GBP7: variants seen among roughly 807,000 people sequenced by gnomAD.
GBP7 encodes the protein guanylate binding protein 7.
GBP7 carries 43 observed loss-of-function variants against 61.3 expected under a neutral mutation model. The observed-to-expected ratio is 0.70, with a 90% CI of 0.55 to 0.91. The LOEUF (loss-of-function observed/expected upper bound fraction) is 0.91, where lower values mean the gene tolerates loss of function less well. GBP7 is among the 40% of genes least tolerant of loss of function. The pLI is 0.00. For missense variants in GBP7, 717 were observed against 740.5 expected (o/e 0.97, Z 0.37); for synonymous variants, 267 against 271.0 (o/e 0.99, Z 0.14).
chr1:89,172,216 A>C (rs973192172), intron 1 of GBP7, among the ~76,000 whole-genome samples: 1 of 152,174 alleles, frequency 6.6e-6, no homozygotes, highest in African/African-American at 2.4e-5. Flanking sequence ...CCTAATGTCG[A>C]TATTTTACTT....
chr1:89,169,617 A>G (rs1557466449), intron 2 of GBP7, among the ~76,000 whole-genome samples: 1 of 152,192 alleles, frequency 6.6e-6, no homozygotes, highest in Non-Finnish European at 1.5e-5. Flanking sequence ...CTGGCCTGGA[A>G]TTGCTAAAAT....
rs769635016 is a variant in GBP7, at chr1:89,150,457, A to G, written c.744T>C (p.His248=). The G allele has an allele frequency of 9.3e-6, 15 of 1,613,976 alleles. No homozygotes were observed. Among genetic ancestry groups the G allele is most frequent in the Non-Finnish European group, 1.3e-5 (15 of 1,180,000 alleles). ...RPINDKKLLL[H]VEEVREDQLD... ...GTTGGTCTTCTCGTACTTCTTCAAC[A>G]TGGAGTAAGAGTTTTTTGTCATTTA... is the stretch of plus-strand genomic sequence containing the variant. The change falls in exon 6 of 11, where the codon CAT becomes CAC. Residue 248 remains histidine, a synonymous_variant. Coordinates refer to ENST00000294671, the MANE Select transcript of GBP7 (RefSeq NM_207398.3).
intron 3 of GBP7, among the ~76,000 whole-genome samples, chr1:89,163,009 A>G (rs1360485656): frequency 6.6e-6 from 1 of 152,162 alleles, no homozygotes; most frequent in Non-Finnish European, 1.5e-5. Context: ...TTCTGCATCT[A>G]TTGAGATAAT....
At chr1:89,148,759 C>G (rs905590981) in intron 7 of GBP7, among the ~76,000 whole-genome samples, 1 of 152,158 alleles carries the variant, frequency 6.6e-6, no homozygotes, top group African/African-American at 2.4e-5. Context: ...CTAAAAAGAA[C>G]TTCTGACTTA....
intron 2 of GBP7, among the ~76,000 whole-genome samples, chr1:89,168,264 A>G (rs1399822817): frequency 1.3e-5 from 2 of 152,156 alleles, no homozygotes; most frequent in Non-Finnish European, 2.9e-5. Flanking sequence ...CTAGATAAGT[A>G]TTTATAAAAG....
In GBP7 at chr1:89,171,643, A is replaced by T. The variant is rs12095602; in HGVS notation, c.190+103T>A. 844 of 1,040,056 alleles carry T rather than the reference A, an allele frequency of 8.1e-4. 6 individuals are homozygous for T. The African/African-American group carries it at 0.012, about 15-fold the overall frequency. 64.4% of individuals were successfully genotyped at this position (1,040,056 alleles called of 1,614,324 possible). ...GATGAATTCAAAGTTAGCTATCAAT[A>T]CTTATCCCCAACACTAACTTTCTCT... On this transcript the variant is annotated intron_variant, in intron 2 of 10. Coordinates refer to ENST00000294671, the MANE Select transcript of GBP7 (RefSeq NM_207398.3).
chr1:89,168,901 G>A (rs560078691), intron 2 of GBP7, among the ~76,000 whole-genome samples: 4 of 152,136 alleles, frequency 2.6e-5, no homozygotes, highest in East Asian at 1.9e-4. Flanking sequence ...CCCGGGAGGC[G>A]GAGGTTGCGG....
At chr1:89,149,934 A>G (rs1350253600) in intron 6 of GBP7, among the ~76,000 whole-genome samples, 2 of 152,214 alleles carry the variant, frequency 1.3e-5, no homozygotes, top group Non-Finnish European at 2.9e-5. Context: ...TTTGTGGATC[A>G]TAATTCTGAA....
rs187080748 is a variant in GBP7, at chr1:89,142,907, T to C, written c.1366-1259A>G. Among the ~76,000 whole-genome samples the C allele has an allele frequency of 1.2e-4, 18 of 152,362 alleles. No individual in the cohort carries two copies. The East Asian group carries it at 2.9e-3, about 24-fold the overall frequency. On this transcript the variant is annotated intron_variant, in intron 8 of 10. Transcript: ENST00000294671. ...TAGCTTATTCACTTTCATTGTGATA[T>C]AGTACGCCATTATGTGAATACACTA...
intron 9 of GBP7, among the ~76,000 whole-genome samples, chr1:89,134,226 C>A (rs1383502011): frequency 1.3e-5 from 2 of 152,192 alleles, no homozygotes; most frequent in African/African-American, 4.8e-5. Context: ...TCAATGCACC[C>A]TCTCCCCACT....
intron 3 of GBP7, among the ~76,000 whole-genome samples, chr1:89,154,464 A>C (rs1208212567): frequency 6.6e-6 from 1 of 152,012 alleles, no homozygotes; most frequent in Admixed American, 6.6e-5. Context: ...CTTCCACCTC[A>C]GCTTCTGAAA....
chr1:89,157,033 A>T (rs1186939090), intron 3 of GBP7, among the ~76,000 whole-genome samples: 4 of 152,218 alleles, frequency 2.6e-5, no homozygotes, highest in Non-Finnish European at 4.4e-5. Flanking sequence ...TCAAACTAGA[A>T]CTCAGGATTA....
Position 89,133,269 on chromosome 1 carries a change from G to T in GBP7, c.1651C>A (p.His551Asn). Residue 551 changes from histidine to asparagine, a missense_variant, in exon 10 of 11, where the codon CAC becomes AAC. Physicochemically the swap from His to Asn is moderately conservative, Grantham distance 68. Coordinates refer to ENST00000294671, the MANE Select transcript of GBP7 (RefSeq NM_207398.3). ...YMRELRKMLS[H>N]KMKVLEELLT... ...TCATCCAGACTCACCTTCATCTTGTGACTCAACATCTTTCTCAGTTCTCTC... is the reference window on the plus strand; with the variant it reads ...TCATCCAGACTCACCTTCATCTTGTTACTCAACATCTTTCTCAGTTCTCTC... 6.2e-7 allele frequency: 1 copy of T among 1,613,354 alleles called. No homozygotes were observed. Among genetic ancestry groups the T allele is most frequent in the South Asian group, 1.1e-5 (1 of 91,004 alleles).
chr1:89,164,799 G>A lies in GBP7; in HGVS notation c.250C>T (p.Pro84Ser). Residue 84 changes from proline (P) to serine (S), a missense_variant, in exon 3 of 11, where the codon CCC (proline) becomes TCC (serine). By Grantham distance (74) the Pro-to-Ser change is moderately conservative. Transcript: ENST00000294671. ...GTGTGGTTTGGCTTGGAGGGGTGGG[G>A]CACACACCACATCCAGATGCCTTTG... ...ETKGIWMWCV[P>S]HPSKPNHTLI... is the part of the protein sequence containing the mutation. 1 of 1,613,724 alleles carries A rather than the reference G, an allele frequency of 6.2e-7. No individual in the cohort carries two copies. The highest frequency in any genetic ancestry group is 8.5e-7 in the Non-Finnish European group (1 of 1,179,692).
chr1:89,170,336 C>G (rs1179779646), intron 2 of GBP7, among the ~76,000 whole-genome samples: 1 of 152,172 alleles, frequency 6.6e-6, no homozygotes, highest in African/African-American at 2.4e-5. Context: ...TGTCTGACTT[C>G]TGCAGAAACG....
rs149485505 is a variant in GBP7, at chr1:89,150,343, A to G, written c.858T>C (p.Leu286=). Residue 286 remains leucine (L), a synonymous_variant, in exon 6 of 11, where the codon CTT becomes CTC. Transcript: ENST00000294671. ...AAATAGACTCACGGTTTCCAGTGAC[A>G]AGGATTCCCTCTCTCAGGGTCTTGG... is the stretch of plus-strand genomic sequence containing the variant. ...AKTKTLREGI[L]VTGNRLGMLV... is the part of the protein sequence containing the mutation. 53 of 1,612,958 alleles carry G rather than the reference A, an allele frequency of 3.3e-5. 3 individuals are homozygous for G. In the Middle Eastern group the frequency reaches 6.9e-3, roughly 210 times the overall value.
intron 9 of GBP7, 148 bp from the exon 10 acceptor site, chr1:89,133,599 G>T: frequency 1.5e-6 from 1 of 648,794 alleles, no homozygotes; most frequent in Non-Finnish European, 2.6e-6. Context: ...CAGGACTTCA[G>T]AAGGAAGGCA....
chr1:89,144,781 A>G (rs1682028773), intron 8 of GBP7, among the ~76,000 whole-genome samples: 1 of 152,078 alleles, frequency 6.6e-6, no homozygotes, highest in South Asian at 2.1e-4. Context: ...GCAAATTTCT[A>G]GTATAAAGTA....
intron 8 of GBP7, 66 bp from the exon 9 acceptor site, chr1:89,141,714 T>G (rs1681955852): frequency 1.6e-6 from 2 of 1,264,758 alleles, no homozygotes; most frequent in Non-Finnish European, 2.3e-6. Context: ...ATGAGGAAAT[T>G]ATTGTTCAAC....
Sources: allele counts gnomAD v4.1 joint callset (sites outside exome capture counted in the v4.1 genomes callset), GRCh38; gene constraint gnomAD v4.1.1; transcripts MANE v1.5; gene names NCBI Gene and HGNC (gene_info 2026-07-23, HGNC 2026-07-21).